Variants in FANCA observed in about 807,000 individuals in gnomAD.
FANCA encodes the protein Fanconi anemia group A protein.
A neutral mutation model predicts 194.3 loss-of-function variants in FANCA; 236 were observed. The ratio of observed to expected loss-of-function variants is 1.21; its 90% CI spans 1.09 to 1.35. The LOEUF (loss-of-function observed/expected upper bound fraction) is 1.35, where lower values mean the gene tolerates loss of function less well. Ranked by LOEUF, FANCA falls within the 40% of genes most tolerant of loss-of-function variation. The pLI is 0.00. For synonymous variants in FANCA, 1,014 were observed against 715.8 expected (o/e 1.42, Z -6.65); for missense variants, 2,628 against 1,813.9 (o/e 1.45, Z -8.15).
chr16:89,776,657 G>C (rs985968409), intron 20 of FANCA, among the ~76,000 whole-genome samples: 4 of 151,444 alleles, frequency 2.6e-5, no homozygotes, highest in East Asian at 2.0e-4. Context: ...GAAACCCTGT[G>C]TCTACTAAAA....
chr16:89,810,765 A>T lies in FANCA; in HGVS notation c.464T>A (p.Leu155Ter). ...ACGGGAGAACATACTGTGTGCCAAT[A>T]AATACTGAGCAAACTCTAACAGGGA... is the stretch of plus-strand genomic sequence containing the variant. Reference protein sequence around the residue: ...LSSLLEFAQYLLAHSMFSRLS... With the variant: ...LSSLLEFAQY The change falls in exon 5 of 43, where the codon TTA (leucine) becomes TAA (stop). Residue 155 changes from leucine (L) to a stop codon, truncating the protein, a stop_gained. Transcript: ENST00000389301. LOFTEE classifies it high-confidence loss of function. The T allele has an allele frequency of 6.2e-7, 1 of 1,613,702 alleles. No individual in the cohort carries two copies. The highest frequency in any genetic ancestry group is 1.3e-5 in the African/African-American group (1 of 75,058).
chr16:89,752,743 G>A (rs534981538), intron 30 of FANCA, among the ~76,000 whole-genome samples: 7 of 152,330 alleles, frequency 4.6e-5, no homozygotes, highest in Admixed American at 1.3e-4. Flanking sequence ...TGTTGTGCCC[G>A]GACAGGGCCA....
intron 30 of FANCA, among the ~76,000 whole-genome samples, chr16:89,757,474 C>A (rs1369661129): frequency 6.6e-6 from 1 of 152,148 alleles, no homozygotes; most frequent in South Asian, 2.1e-4. Flanking sequence ...TCTGCTCAGC[C>A]AAAGAAGCCA....
chr16:89,788,322 G>A (rs982736274), intron 14 of FANCA, among the ~76,000 whole-genome samples: 2 of 152,078 alleles, frequency 1.3e-5, no homozygotes, highest in Admixed American at 6.6e-5. Flanking sequence ...TTAGCCAGGT[G>A]TGGTGGCAGG....
At chr16:89,768,921 C>T (rs1473876957) in intron 26 of FANCA, among the ~76,000 whole-genome samples, 1 of 61,772 alleles carries the variant, frequency 1.6e-5, no homozygotes, top group African/African-American at 8.3e-5. Flanking sequence ...ACCCAGTACT[C>T]AGTGTTTGGG....
chr16:89,739,083 C>A (rs752700058), intron 41 of FANCA, 50 bp downstream of exon 41: 48 of 1,613,800 alleles, frequency 3.0e-5, no homozygotes, highest in Non-Finnish European at 7.6e-6. Context: ...CAGAAGGAGC[C>A]TCCGGCTGGG....
At chr16:89,756,658 AAAAC>A (rs762876595) in intron 30 of FANCA, among the ~76,000 whole-genome samples, 8 of 152,182 alleles carry the variant, frequency 5.3e-5, no homozygotes, top group East Asian at 1.9e-4. Flanking sequence ...ACTATCTCAA[AAAAC>A]AAACAAACAA....
intron 28 of FANCA, chr16:89,762,680 G>A (rs2038992110): frequency 7.9e-6 from 3 of 378,320 alleles, no homozygotes; most frequent in Non-Finnish European, 1.6e-5. Flanking sequence ...CCAGGCTGGA[G>A]TGTGTGCAGT....
At chr16:89,773,718 G>A (rs1014994617) in intron 21 of FANCA, among the ~76,000 whole-genome samples, 8 of 151,940 alleles carry the variant, frequency 5.3e-5, no homozygotes, top group Middle Eastern at 3.5e-3. Context: ...GAGGGCTGGC[G>A]AGGGTGGGGA....
intron 11 of FANCA, 145 bp from the exon 12 acceptor site, chr16:89,792,692 G>C (rs1402190387): frequency 2.9e-6 from 2 of 696,984 alleles, no homozygotes; most frequent in African/African-American, 1.8e-5. Flanking sequence ...AAGACAAAGA[G>C]ATAAAAGACA....
intron 14 of FANCA, among the ~76,000 whole-genome samples, chr16:89,789,472 G>A (rs1598148286): frequency 1.8e-5 from 2 of 113,526 alleles, no homozygotes; most frequent in African/African-American, 3.5e-5. Flanking sequence ...ACAGAGTCTT[G>A]CTCTGTCTCC....
chr16:89,765,679 T>C (rs1395297342), intron 27 of FANCA, among the ~76,000 whole-genome samples: 1 of 152,232 alleles, frequency 6.6e-6, no homozygotes, highest in Non-Finnish European at 1.5e-5. Flanking sequence ...CGTGACCGTG[T>C]CCATCTCTGC....
chr16:89,744,905 C>G, intron 36 of FANCA, 54 bp downstream of exon 36: 2 of 1,499,808 alleles, frequency 1.3e-6, no homozygotes, highest in Non-Finnish European at 1.8e-6. Context: ...TGACCTTGAG[C>G]AGGTCCCGAA....
chr16:89,803,381 G>A (rs780035655), intron 7 of FANCA, 40 bp from the exon 8 acceptor site: 7 of 1,568,962 alleles, frequency 4.5e-6, no homozygotes, highest in Admixed American at 1.7e-5. Flanking sequence ...TGGACATCAT[G>A]GTCTCCAAGC....
chr16:89,773,440 CA>C, intron 21 of FANCA, 56 bp from the exon 22 acceptor site: 1 of 1,253,714 alleles, frequency 8.0e-7, no homozygotes, highest in Admixed American at 2.0e-5. Flanking sequence ...CTCTTCACTG[CA>C]AAAATAGAAA....
At chr16:89,739,338 A>T in intron 40 of FANCA, 49 bp from the exon 41 acceptor site, 1 of 1,611,418 alleles carries the variant, frequency 6.2e-7, no homozygotes, top group Non-Finnish European at 8.5e-7. Flanking sequence ...CTGGAAAGGT[A>T]GCAGGTGATG....
rs11646374 is a variant in FANCA, at chr16:89,791,527, G to A, written c.1235C>T (p.Ala412Val). 0.077 allele frequency: 124,176 copies of A among 1,613,900 alleles called. 5,714 individuals are homozygous for A. Among genetic ancestry groups the A allele is most frequent in the East Asian group, 0.16 (7,340 of 44,864 alleles). ...EAQQLLEDWV[A>V]RLMAQAFESC... ...CTCGAATGCCTGGGCCATCAAACGCGCCACCCAGTCTAGTTAAGAACCATG... is the reference window on the plus strand; with the variant it reads ...CTCGAATGCCTGGGCCATCAAACGCACCACCCAGTCTAGTTAAGAACCATG... Residue 412 changes from alanine (A) to valine (V), a missense_variant, in exon 14 of 43, where the codon GCG (alanine) becomes GTG (valine). Physicochemically the swap from Ala to Val is moderately conservative, Grantham distance 64. Transcript: ENST00000389301.
intron 28 of FANCA, among the ~76,000 whole-genome samples, chr16:89,762,481 C>T (rs977893506): frequency 1.3e-5 from 2 of 151,492 alleles, no homozygotes; most frequent in Non-Finnish European, 2.9e-5. Flanking sequence ...GTGGTCCCAG[C>T]CTCTTGGGAG....
chr16:89,744,832 TC>T, intron 36 of FANCA, 126 bp downstream of exon 36: 3 of 864,046 alleles, frequency 3.5e-6, no homozygotes. Context: ...GGTTCTTTTC[TC>T]CCTGCTCACA....
Sources: allele counts gnomAD v4.1 joint callset (sites outside exome capture counted in the v4.1 genomes callset), GRCh38; gene constraint gnomAD v4.1.1; transcripts MANE v1.5; gene names NCBI Gene and HGNC (gene_info 2026-07-23, HGNC 2026-07-21).